DNAH1: variants seen among roughly 807,000 people sequenced by gnomAD.
DNAH1 encodes the protein axonemal beta dynein heavy chain 1.
DNAH1 carries 327 observed loss-of-function variants against 484.3 expected under a neutral mutation model. The ratio of observed to expected loss-of-function variants is 0.68; its 90% CI spans 0.62 to 0.74. DNAH1 has a LOEUF of 0.74. Ranked by LOEUF, DNAH1 falls within the 30% of genes least tolerant of loss-of-function variation. DNAH1 has a pLI of 0.00. For missense variants in DNAH1, 5,052 were observed against 5,546.8 expected (o/e 0.91, Z 2.83); for synonymous variants, 2,192 against 2,191.9 (o/e 1.00, Z 0.00).
At chr3:52,387,599 A>G (rs1472173980) in intron 56 of DNAH1, among the ~76,000 whole-genome samples, 1 of 152,210 alleles carries the variant, frequency 6.6e-6, no homozygotes, top group Non-Finnish European at 1.5e-5. Flanking sequence ...GAGGCCCCAC[A>G]GGCCTAATCA....
intron 70 of DNAH1, among the ~76,000 whole-genome samples, 177 bp from the exon 71 acceptor site, chr3:52,396,191 C>T (rs1227677815): frequency 6.6e-6 from 1 of 152,106 alleles, no homozygotes; most frequent in South Asian, 2.1e-4. Flanking sequence ...CCTTGGCCTT[C>T]CAAAGTGCTG....
rs778810613 is a variant in DNAH1, at chr3:52,394,631, G to C, written c.10793G>C (p.Arg3598Pro). The C allele has an allele frequency of 6.3e-7, 1 of 1,588,352 alleles. No homozygotes were observed. The highest frequency in any genetic ancestry group is 8.6e-7 in the Non-Finnish European group (1 of 1,164,562). Reference sequence around the variant, plus strand: ...TTCGTGAAGCACCTCTCAGAATTCCGGGTCATCTTCGACAGCCTTGAGCCC... The same window carrying C: ...TTCGTGAAGCACCTCTCAGAATTCCCGGTCATCTTCGACAGCCTTGAGCCC... Reference protein sequence around the residue: ...SDFVKHLSEFRVIFDSLEPHR... With the variant: ...SDFVKHLSEFPVIFDSLEPHR... The change falls in exon 67 of 78, where the codon CGG becomes CCG. Residue 3598 changes from arginine to proline, a missense_variant. This residue lies in a region of DNAH1 where 853 missense variants were observed against 899.0 expected (regional missense o/e 0.95). Transcript: ENST00000420323.
chr3:52,359,740 G>A (rs1194366490), intron 26 of DNAH1, among the ~76,000 whole-genome samples, 176 bp from the exon 27 acceptor site: 1 of 152,220 alleles, frequency 6.6e-6, no homozygotes, highest in East Asian at 1.9e-4. Context: ...CCAGGCATGT[G>A]CCTCTATTCT....
At chr3:52,327,388 G>A (rs531515727) in intron 5 of DNAH1, among the ~76,000 whole-genome samples, 18 of 152,230 alleles carry the variant, frequency 1.2e-4, no homozygotes, top group African/African-American at 2.6e-4. Context: ...TCCTCTCTGC[G>A]GCCCTGAGTG....
Position 52,381,642 on chromosome 3 carries a change from G to A in DNAH1, c.7611G>A (p.Met2537Ile). Residue 2537 changes from methionine (M) to isoleucine (I), a missense_variant and splice_region_variant, in exon 49 of 78, where the codon ATG becomes ATA. Physicochemically the swap from Met to Ile is conservative, Grantham distance 10 (BLOSUM62 1). Coordinates refer to ENST00000420323, the MANE Select transcript of DNAH1 (RefSeq NM_015512.5). The surrounding 1 kb of genome is among the most constrained non-coding windows in gnomAD (Gnocchi z 4.1). Reference protein sequence around the residue: ...SYELITSESKMMQVIEEYIED... With the variant: ...SYELITSESKIMQVIEEYIED... The stretch of plus-strand genomic sequence containing the variant: ...CCCATCCTCGCCTTGGTGCACAGAT[G>A]ATGCAGGTGATAGAGGAGTACATAG... The A allele has an allele frequency of 6.2e-7, 1 of 1,602,280 alleles. No homozygotes were observed. Among genetic ancestry groups the A allele is most frequent in the East Asian group, 2.3e-5 (1 of 44,436 alleles).
rs749425109 is a variant in DNAH1, at chr3:52,395,686, G to C, written c.11259+8G>C. 2.1e-5 allele frequency: 34 copies of C among 1,611,948 alleles called. 1 individual carries two copies. ...CACATCAACCCCGACAAGGTGTGTT[G>C]CCCTGCCCATCACAGACCCAGTGGG... On this transcript the variant is annotated splice_region_variant and intron_variant, in intron 70 of 77. Coordinates refer to ENST00000420323, the MANE Select transcript of DNAH1 (RefSeq NM_015512.5). The surrounding 1 kb of genome is among the most constrained non-coding windows in gnomAD (Gnocchi z 4.4).
At chr3:52,347,131 G>T (rs1403017371) in intron 11 of DNAH1, among the ~76,000 whole-genome samples, 1 of 152,220 alleles carries the variant, frequency 6.6e-6, no homozygotes, top group Non-Finnish European at 1.5e-5. Flanking sequence ...TTTGGCAGGG[G>T]CCATGATAGA....
At position 52,372,017 on chromosome 3, in the gene DNAH1, C is replaced by T; in HGVS notation, c.6597C>T (p.Ile2199=). Residue 2199 remains isoleucine, a synonymous_variant, in exon 42 of 78, where the codon ATC becomes ATT. Transcript: ENST00000420323. ...TMVPDTNYCN[I]IVPTMDTVQM... is the part of the protein sequence containing the mutation. Reference sequence around the variant, plus strand: ...TACCAGACACCAACTACTGCAACATCATTGTGCCCACCATGGACACCGTGC... The same window carrying T: ...TACCAGACACCAACTACTGCAACATTATTGTGCCCACCATGGACACCGTGC... 1 of 1,613,896 alleles carries T rather than the reference C, an allele frequency of 6.2e-7. No individual in the cohort carries two copies. Among genetic ancestry groups the T allele is most frequent in the Non-Finnish European group, 8.5e-7 (1 of 1,179,880 alleles).
At chr3:52,323,473 G>A (rs1481084945) in intron 2 of DNAH1, among the ~76,000 whole-genome samples, 1 of 152,188 alleles carries the variant, frequency 6.6e-6, no homozygotes, top group Non-Finnish European at 1.5e-5. Context: ...GTGGCCCTTG[G>A]GAGAGGAGGT....
At chr3:52,323,717 C>G (rs1701232840) in intron 2 of DNAH1, 91 bp from the exon 3 acceptor site, 1 of 1,010,044 alleles carries the variant, frequency 9.9e-7, no homozygotes, top group African/African-American at 1.6e-5. Context: ...TGGTGGGTCT[C>G]AAGGGAGGCG....
chr3:52,334,346 T>TG (rs1293011210), intron 8 of DNAH1, among the ~76,000 whole-genome samples: 1 of 152,240 alleles, frequency 6.6e-6, no homozygotes, highest in Non-Finnish European at 1.5e-5. Flanking sequence ...GGCTGGAAGT[T>TG]GCGGTGGTTG....
At position 52,364,563 on chromosome 3, in the gene DNAH1, G is replaced by A. The variant is rs1702990057; in HGVS notation, c.5245-75G>A. 1 of 1,541,728 alleles carries A rather than the reference G, an allele frequency of 6.5e-7. No homozygotes were observed. The highest frequency in any genetic ancestry group is 9.0e-7 in the Non-Finnish European group (1 of 1,115,196). On this transcript the variant is annotated intron_variant, in intron 32 of 77. Coordinates refer to ENST00000420323, the MANE Select transcript of DNAH1 (RefSeq NM_015512.5). The surrounding 1 kb of genome is among the most constrained non-coding windows in gnomAD (Gnocchi z 4.2). ...GATGAGACTTGGCCAACTGCCAGGT[G>A]GGAGGCAGAGTGTTCCAGGCAGAAG...
upstream of DNAH1, among the ~76,000 whole-genome samples, chr3:52,314,020 G>T (rs1253827248): frequency 6.6e-6 from 1 of 152,184 alleles, no homozygotes; most frequent in East Asian, 1.9e-4. Context: ...CCCCAAAGTG[G>T]CCAGCCTTGG....
chr3:52,342,752 G>A (rs969185961), intron 8 of DNAH1, among the ~76,000 whole-genome samples: 1 of 152,210 alleles, frequency 6.6e-6, no homozygotes, highest in African/African-American at 2.4e-5. Context: ...GGGATAGGGG[G>A]CAAGCGAGGA....
At chr3:52,376,364 G>C (rs1174045042) in intron 46 of DNAH1, among the ~76,000 whole-genome samples, 1 of 152,236 alleles carries the variant, frequency 6.6e-6, no homozygotes, top group Non-Finnish European at 1.5e-5. Flanking sequence ...AGGCATCGTG[G>C]TGAATCTGCC....
At chr3:52,327,009 C>T in intron 5 of DNAH1, 118 bp downstream of exon 5, 1 of 1,335,800 alleles carries the variant, frequency 7.5e-7, no homozygotes, top group Non-Finnish European at 1.0e-6. Flanking sequence ...ACACTCTTGT[C>T]AAACAGGGCA....
intron 21 of DNAH1, among the ~76,000 whole-genome samples, chr3:52,356,327 G>T (rs1318562027): frequency 6.6e-6 from 1 of 152,184 alleles, no homozygotes. Flanking sequence ...GCTGGCGTGG[G>T]TGTGTTCCTC....
intron 26 of DNAH1, 143 bp downstream of exon 26, chr3:52,359,529 A>G: frequency 2.5e-6 from 3 of 1,202,622 alleles, no homozygotes; most frequent in Non-Finnish European, 3.5e-6. Context: ...ACACCCTTGA[A>G]GTGTCTCACA....
chr3:52,394,794 C>T, intron 67 of DNAH1, 121 bp from the exon 68 acceptor site: 8 of 1,492,776 alleles, frequency 5.4e-6, no homozygotes, highest in Non-Finnish European at 7.2e-6. Context: ...TCCTCTGTGC[C>T]TCCAGTGCCA....
Sources: allele counts gnomAD v4.1 joint callset (sites outside exome capture counted in the v4.1 genomes callset), GRCh38; gene constraint gnomAD v4.1.1; regional missense constraint gnomAD v4.1.1; non-coding constraint Gnocchi (gnomAD v3.1); transcripts MANE v1.5; gene names NCBI Gene and HGNC (gene_info 2026-07-23, HGNC 2026-07-21).